The following SASH1 variants were observed in gnomAD, a reference collection of about 807,000 sequenced individuals.
The protein encoded by SASH1 is SAM and SH3 domain-containing protein 1.
SASH1 carries 44 observed loss-of-function variants against 125.2 expected under a neutral mutation model. The observed-to-expected ratio is 0.35, with a 90% CI of 0.28 to 0.45. The LOEUF (loss-of-function observed/expected upper bound fraction) is 0.45, where lower values mean the gene tolerates loss of function less well. Ranked by LOEUF, SASH1 falls within the 20% of genes least tolerant of loss-of-function variation. The pLI, the probability that SASH1 is intolerant of heterozygous loss-of-function variation, is 1.00. For missense variants in SASH1, 1,426 were observed against 1,614.5 expected (o/e 0.88, Z 2.00); for synonymous variants, 639 against 649.1 (o/e 0.98, Z 0.24).
At chr6:148,303,376 T>C (rs887093235) in intron 1 of SASH1, among the ~76,000 whole-genome samples, 8 of 152,182 alleles carry the variant, frequency 5.3e-5, no homozygotes, top group Admixed American at 2.6e-4. Context: ...GGATAGACCA[T>C]ATGCTAAGCT....
intron 1 of SASH1, among the ~76,000 whole-genome samples, chr6:148,380,685 C>T (rs1284867080): frequency 6.6e-6 from 1 of 152,156 alleles, no homozygotes; most frequent in African/African-American, 2.4e-5. Flanking sequence ...ATCAATGTTC[C>T]CATTCTTTTC....
At chr6:148,449,633 C>T (rs760393127) in intron 4 of SASH1, among the ~76,000 whole-genome samples, 3 of 152,082 alleles carry the variant, frequency 2.0e-5, no homozygotes, top group Non-Finnish European at 2.9e-5. Flanking sequence ...GTGATCCACC[C>T]GCCTTGGCCT....
At chr6:148,450,600 A>T (rs758261876) in intron 4 of SASH1, among the ~76,000 whole-genome samples, 3 of 151,506 alleles carry the variant, frequency 2.0e-5, no homozygotes, top group Non-Finnish European at 2.9e-5. Flanking sequence ...AACACGTATC[A>T]TATCATCATT....
At chr6:148,513,285 A>C (rs990642765) in intron 8 of SASH1, 78 of 985,246 alleles carry the variant, frequency 7.9e-5, no homozygotes, top group Non-Finnish European at 8.6e-5. Context: ...GAGGAAATGG[A>C]GAGAAGGTTG....
At chr6:148,543,551 A>G in intron 17 of SASH1, 129 bp from the exon 18 acceptor site, 1 of 714,238 alleles carries the variant, frequency 1.4e-6, no homozygotes. Context: ...TGGTGATTTT[A>G]TGTTTTTAGT....
intron 7 of SASH1, among the ~76,000 whole-genome samples, chr6:148,484,117 G>A (rs1778739844): frequency 6.6e-6 from 1 of 152,146 alleles, no homozygotes; most frequent in Non-Finnish European, 1.5e-5. Context: ...AAAAGCAGCT[G>A]GAGTGGATTT....
intron 4 of SASH1, among the ~76,000 whole-genome samples, chr6:148,442,923 G>A (rs373391009): frequency 3.3e-5 from 5 of 151,904 alleles, no homozygotes; most frequent in Non-Finnish European, 5.9e-5. Context: ...ACAGGCACCC[G>A]CCACCATACC....
chr6:148,395,044 CAT>C (rs1783895789), intron 2 of SASH1, among the ~76,000 whole-genome samples: 1 of 152,172 alleles, frequency 6.6e-6, no homozygotes, highest in South Asian at 2.1e-4. Flanking sequence ...TATGCAGTAA[CAT>C]ATTAGAAGCC....
chr6:148,246,144 CCTCT>C, the SASH1 span, among the ~76,000 whole-genome samples: 1 of 150,746 alleles, frequency 6.6e-6, no homozygotes, highest in Non-Finnish European at 1.5e-5. Flanking sequence ...GTCTCTCTCT[CCTCT>C]CTCTCTCTCT....
At chr6:148,194,711 T>C in the SASH1 span, among the ~76,000 whole-genome samples, 2 of 152,264 alleles carry the variant, frequency 1.3e-5, no homozygotes, top group East Asian at 3.9e-4. Flanking sequence ...ATCGAGACCA[T>C]CCTGGTTAAC....
chr6:148,544,086 G>C lies in SASH1; in HGVS notation c.2616G>C (p.Thr872=). ...TTGTACCTGAAGTGCCACAGAAGACGACCGCCTCTTCCACGAAGGCCCAGC... is the reference window on the plus strand; with the variant it reads ...TTGTACCTGAAGTGCCACAGAAGACCACCGCCTCTTCCACGAAGGCCCAGC... ...PQIVPEVPQK[T]TASSTKAQPL... The change falls in exon 18 of 20, where the codon ACG becomes ACC. Residue 872 remains threonine (T), a synonymous_variant. Transcript: ENST00000367467. The surrounding 1 kb of genome is among the most constrained non-coding windows in gnomAD (Gnocchi z 6.4). 6.2e-7 allele frequency: 1 copy of C among 1,613,990 alleles called. No individual in the cohort carries two copies. Among genetic ancestry groups the C allele is most frequent in the Non-Finnish European group, 8.5e-7 (1 of 1,179,972 alleles).
chr6:148,476,605 G>C (rs1778361581), intron 7 of SASH1, among the ~76,000 whole-genome samples: 1 of 152,150 alleles, frequency 6.6e-6, no homozygotes, highest in Non-Finnish European at 1.5e-5. Context: ...GCTTGAATCG[G>C]GGAGGCGGAG....
chr6:148,304,053 C>G (rs1780050770), intron 1 of SASH1, among the ~76,000 whole-genome samples: 1 of 152,038 alleles, frequency 6.6e-6, no homozygotes, highest in Non-Finnish European at 1.5e-5. Flanking sequence ...GCCTGTAATC[C>G]CAACACTTTG....
chr6:148,394,046 C>T (rs1247007391), intron 2 of SASH1, among the ~76,000 whole-genome samples: 1 of 151,934 alleles, frequency 6.6e-6, no homozygotes, highest in African/African-American at 2.4e-5. Context: ...GTGCCCGCTA[C>T]CACGCCTGGC....
At chr6:148,345,176 G>C (rs535827188) in intron 1 of SASH1, among the ~76,000 whole-genome samples, 2 of 152,152 alleles carry the variant, frequency 1.3e-5, no homozygotes, top group Non-Finnish European at 2.9e-5. Context: ...GGCTGGGGGC[G>C]GGGAGGATTG....
chr6:148,469,969 T>C (rs1414677805), intron 5 of SASH1, among the ~76,000 whole-genome samples: 1 of 148,532 alleles, frequency 6.7e-6, no homozygotes, highest in Admixed American at 6.8e-5. Context: ...GAGGTTGTAG[T>C]GAGCCAAGAT....
Position 148,531,574 on chromosome 6 carries a change from G to T in SASH1, c.1477G>T (p.Asp493Tyr). The part of the protein sequence containing the change: ...MPGSPPPSQP[D>Y]PEHLDKPKLK... ...TGGCTCCCCTCCGCCTTCACAGCCCGACCCCGAACACTTGGACAAGCCCAA... is the reference window on the plus strand; with the variant it reads ...TGGCTCCCCTCCGCCTTCACAGCCCTACCCCGAACACTTGGACAAGCCCAA... Residue 493 changes from aspartate (D) to tyrosine (Y), a missense_variant, in exon 13 of 20, where the codon GAC (aspartate) becomes TAC (tyrosine). Asp to Tyr is a radical substitution (Grantham distance 160). This residue lies in a region of SASH1 where 225 missense variants were observed against 344.5 expected (regional missense o/e 0.65). Coordinates refer to ENST00000367467, the MANE Select transcript of SASH1 (RefSeq NM_015278.5). 6.4e-7 allele frequency: 1 copy of T among 1,570,566 alleles called. No homozygotes were observed. The highest frequency in any genetic ancestry group is 8.6e-7 in the Non-Finnish European group (1 of 1,157,226).
chr6:148,333,472 A>T (rs1781052430), intron 1 of SASH1, among the ~76,000 whole-genome samples: 1 of 152,160 alleles, frequency 6.6e-6, no homozygotes, highest in African/African-American at 2.4e-5. Flanking sequence ...GGGCCGGGAA[A>T]TTTGCATTTG....
At chr6:148,343,605 G>C (rs982932868) in intron 1 of SASH1, among the ~76,000 whole-genome samples, 1 of 152,218 alleles carries the variant, frequency 6.6e-6, no homozygotes, top group South Asian at 2.1e-4. Context: ...TTCACCATTT[G>C]TTGTGTGACC....
Sources: allele counts gnomAD v4.1 joint callset (sites outside exome capture counted in the v4.1 genomes callset), GRCh38; gene constraint gnomAD v4.1.1; regional missense constraint gnomAD v4.1.1; non-coding constraint Gnocchi (gnomAD v3.1); transcripts MANE v1.5; gene names NCBI Gene and HGNC (gene_info 2026-07-23, HGNC 2026-07-21).